Variants in SPECC1L observed in about 807,000 individuals in gnomAD.
The protein encoded by SPECC1L is cytospin-A.
Under a neutral mutation model 116.8 loss-of-function variants are expected in SPECC1L, and 40 were observed. The ratio of observed to expected loss-of-function variants is 0.34; its 90% CI spans 0.27 to 0.45. SPECC1L has a LOEUF of 0.45. SPECC1L is among the 20% of genes least tolerant of loss of function. The pLI is 1.00. For synonymous variants in SPECC1L, 504 were observed against 500.6 expected (o/e 1.01, Z -0.09); for missense variants, 1,110 against 1,373.6 (o/e 0.81, Z 3.03).
At chr22:24,373,355 C>T (rs1298220765) in intron 14 of SPECC1L, among the ~76,000 whole-genome samples, 1 of 152,206 alleles carries the variant, frequency 6.6e-6, no homozygotes, top group Non-Finnish European at 1.5e-5. Flanking sequence ...GGAGGCATCA[C>T]ACTACCTGAC....
intron 14 of SPECC1L, among the ~76,000 whole-genome samples, chr22:24,400,771 ATCT>A (rs1215147542): frequency 1.3e-5 from 2 of 152,020 alleles, no homozygotes; most frequent in Non-Finnish European, 2.9e-5. Flanking sequence ...GTGAAGTGTC[ATCT>A]TCTTGTGGTT....
At chr22:24,319,346 C>T (rs922599354) in intron 4 of SPECC1L, among the ~76,000 whole-genome samples, 2 of 152,174 alleles carry the variant, frequency 1.3e-5, no homozygotes, top group African/African-American at 4.8e-5. Context: ...AAAGGGGAAG[C>T]CCCTTACCAT....
At chr22:24,365,029 G>A (rs575537768) in intron 12 of SPECC1L, among the ~76,000 whole-genome samples, 2 of 152,110 alleles carry the variant, frequency 1.3e-5, no homozygotes, top group East Asian at 1.9e-4. Flanking sequence ...TTTTTGAGAT[G>A]GAGTCTCTCT....
chr22:24,355,281 CAAAA>C (rs751981921), intron 11 of SPECC1L, among the ~76,000 whole-genome samples: 1 of 56,018 alleles, frequency 1.8e-5, no homozygotes, highest in Non-Finnish European at 3.5e-5. Context: ...GACTCCATCT[CAAAA>C]AAAAAAAAAA....
chr22:24,410,863 G>A (rs543408128), intron 14 of SPECC1L, among the ~76,000 whole-genome samples: 1 of 152,258 alleles, frequency 6.6e-6, no homozygotes, highest in Admixed American at 6.5e-5. Context: ...AATGGAGAAT[G>A]AGTTGCATTT....
intron 8 of SPECC1L, among the ~76,000 whole-genome samples, chr22:24,331,661 G>A (rs1340562852): frequency 3.9e-5 from 6 of 152,142 alleles, no homozygotes; most frequent in Non-Finnish European, 7.4e-5. Context: ...GGCCCTTTAA[G>A]GACTCTGTGA....
chr22:24,404,102 CCTGTTTT>C (rs1434781624), intron 14 of SPECC1L, among the ~76,000 whole-genome samples: 3 of 152,192 alleles, frequency 2.0e-5, no homozygotes, highest in African/African-American at 4.8e-5. Context: ...ACCACTCTGT[CCTGTTTT>C]AAACACACTC....
In SPECC1L at chr22:24,321,282, A is replaced by G. The variant is rs1360148091; in HGVS notation, c.308-6A>G. ...TTGCCTTACATTTTTTGTATTAAACACATAGGCACAGCTTCTTCAACCAAG... is the reference window on the plus strand; with the variant it reads ...TTGCCTTACATTTTTTGTATTAAACGCATAGGCACAGCTTCTTCAACCAAG... On this transcript the variant is annotated splice_polypyrimidine_tract_variant and splice_region_variant and intron_variant, in intron 4 of 16. Coordinates refer to ENST00000314328, the MANE Select transcript of SPECC1L (RefSeq NM_015330.6). 1 of 1,613,548 alleles carries G rather than the reference A, an allele frequency of 6.2e-7. No homozygotes were observed. The highest frequency in any genetic ancestry group is 8.5e-7 in the Non-Finnish European group (1 of 1,180,028).
At chr22:24,388,336 G>GC in intron 14 of SPECC1L, among the ~76,000 whole-genome samples, 1 of 138,424 alleles carries the variant, frequency 7.2e-6, no homozygotes, top group Admixed American at 7.4e-5. Flanking sequence ...TGCAGTGTTT[G>GC]TTTTTTTTTT....
intron 11 of SPECC1L, among the ~76,000 whole-genome samples, chr22:24,354,301 T>G (rs1461138656): frequency 6.6e-6 from 1 of 152,210 alleles, no homozygotes; most frequent in East Asian, 1.9e-4. Flanking sequence ...ATTTCAGCAT[T>G]TATTTATGCA....
chr22:24,372,684 AAC>A (rs201337409), intron 14 of SPECC1L, among the ~76,000 whole-genome samples: 6,378 of 152,094 alleles, frequency 0.042, 451 homozygotes, highest in African/African-American at 0.15. Context: ...AATGGGTAAA[AAC>A]TGGAAGCGTT....
intron 14 of SPECC1L, among the ~76,000 whole-genome samples, chr22:24,385,179 G>T (rs1180841994): frequency 4.0e-5 from 6 of 151,280 alleles, no homozygotes; most frequent in African/African-American, 9.7e-5. Flanking sequence ...TATATTTTTT[G>T]ACTTTTTCAG....
intron 6 of SPECC1L, among the ~76,000 whole-genome samples, chr22:24,327,642 A>G (rs1037124617): frequency 1.3e-5 from 2 of 152,010 alleles, no homozygotes; most frequent in Non-Finnish European, 2.9e-5. Flanking sequence ...TGTCAATAGG[A>G]TACTTATTAA....
At position 24,416,992 on chromosome 22, in the gene SPECC1L, AG is replaced by A. The variant is rs1338312489; in HGVS notation, c.*2371del. ...TTTTGCCTCGTCTAATAGGATCCTT[AG>A]GACACTGTGGGCTTTAGGAATGACT... On this transcript the variant is annotated 3_prime_UTR_variant, in exon 17 of 17. Coordinates refer to ENST00000314328, the MANE Select transcript of SPECC1L (RefSeq NM_015330.6). The A allele has an allele frequency of 2.0e-5, 3 of 152,236 alleles. No individual in the cohort carries two copies. The highest frequency in any genetic ancestry group is 2.0e-4 in the Admixed American group (3 of 15,278). The allele number at this position is 152,236 out of a possible 1,614,324, so 9.4% of individuals were successfully genotyped here.
At chr22:24,295,883 T>G (rs4049942) in intron 2 of SPECC1L, among the ~76,000 whole-genome samples, 3 of 152,040 alleles carry the variant, frequency 2.0e-5, no homozygotes, top group East Asian at 1.9e-4. Flanking sequence ...GGGAGGCAGA[T>G]GTTGCAGTGA....
chr22:24,320,779 A>C (rs1457422813), intron 4 of SPECC1L, among the ~76,000 whole-genome samples: 1 of 152,080 alleles, frequency 6.6e-6, no homozygotes, highest in Admixed American at 6.5e-5. Flanking sequence ...GTCAGAGTAA[A>C]ATTTTTGTGT....
intron 2 of SPECC1L, among the ~76,000 whole-genome samples, chr22:24,279,254 A>C (rs371482620): frequency 1.3e-5 from 2 of 152,236 alleles, no homozygotes; most frequent in Non-Finnish European, 2.9e-5. Context: ...GAAGAAAAGG[A>C]TATCCTTCCT....
intron 3 of SPECC1L, among the ~76,000 whole-genome samples, chr22:24,309,864 T>A (rs982452995): frequency 3.9e-5 from 6 of 152,216 alleles, no homozygotes; most frequent in African/African-American, 1.4e-4. Context: ...TATCTTTATT[T>A]AAATTTTATT....
chr22:24,342,261 C>T (rs2041191801), intron 10 of SPECC1L, among the ~76,000 whole-genome samples: 1 of 152,108 alleles, frequency 6.6e-6, no homozygotes, highest in Non-Finnish European at 1.5e-5. Context: ...TCAATAGATG[C>T]AGACCTAGAA....
Sources: allele counts gnomAD v4.1 joint callset (sites outside exome capture counted in the v4.1 genomes callset), GRCh38; gene constraint gnomAD v4.1.1; transcripts MANE v1.5; gene names NCBI Gene and HGNC (gene_info 2026-07-23, HGNC 2026-07-21).